Variants in NAALADL2 observed in about 807,000 individuals in gnomAD.
NAALADL2 encodes inactive N-acetylated-alpha-linked acidic dipeptidase-like protein 2.
In NAALADL2, 76 loss-of-function variants were observed where a neutral mutation model predicts 87.2. That is an observed-to-expected ratio of 0.87 (90% confidence interval 0.72 to 1.05). NAALADL2 has a LOEUF of 1.05. NAALADL2 is among the 50% of genes least tolerant of loss of function. NAALADL2 has a pLI of 0.00. For missense variants in NAALADL2, 1,089 were observed against 945.8 expected (o/e 1.15, Z -1.99); for synonymous variants, 354 against 331.0 (o/e 1.07, Z -0.75).
At chr3:175,543,890 G>C (rs1235476266) in intron 9 of NAALADL2, among the ~76,000 whole-genome samples, 1 of 152,176 alleles carries the variant, frequency 6.6e-6, no homozygotes, top group Admixed American at 6.5e-5. Flanking sequence ...GTGGAATTTT[G>C]ATAGAGGTAA....
chr3:175,614,582 T>G (rs1725090822), intron 10 of NAALADL2, among the ~76,000 whole-genome samples: 1 of 152,236 alleles, frequency 6.6e-6, no homozygotes, highest in South Asian at 2.1e-4. Flanking sequence ...CTTGACATTT[T>G]GCTGTGTAGC....
intron 9 of NAALADL2, among the ~76,000 whole-genome samples, chr3:175,495,097 T>A (rs1235889922): frequency 1.4e-5 from 2 of 140,950 alleles, no homozygotes; most frequent in Non-Finnish European, 3.1e-5. Context: ...TATATATTTT[T>A]TTTTAATTTT....
chr3:175,627,304 TCTCCGAGGCC>T lies in NAALADL2; in HGVS notation c.1816_1825del (p.Ser606ValfsTer29). ...GATTTGCCGCAGGGTCCAAGTTTTC[TCTCCGAGGCC>T]CGTTTTTCTACACGAGCAACAAAAA... On this transcript the variant is annotated frameshift_variant, in exon 11 of 14. Coordinates refer to ENST00000454872, the MANE Select transcript of NAALADL2 (RefSeq NM_207015.3). LOFTEE classifies it high-confidence loss of function. 6.4e-7 allele frequency: 1 copy of T among 1,565,440 alleles called. No individual in the cohort carries two copies. Among genetic ancestry groups the T allele is most frequent in the East Asian group, 2.3e-5 (1 of 43,164 alleles).
chr3:175,685,024 A>G (rs1478749116), intron 11 of NAALADL2, among the ~76,000 whole-genome samples: 2 of 152,196 alleles, frequency 1.3e-5, no homozygotes, highest in African/African-American at 2.4e-5. Context: ...AGAGGTTTGC[A>G]TAATTTTAAA....
In NAALADL2 at chr3:174,910,634, G is replaced by A. The variant is rs141408239; in HGVS notation, c.43+51184G>A. Among the ~76,000 whole-genome samples, 1,473 of 152,116 alleles carry A rather than the reference G, an allele frequency of 9.7e-3. 19 individuals carry two copies. Among genetic ancestry groups the A allele is most frequent in the Non-Finnish European group, 0.017 (1,124 of 68,004 alleles). ...AGTCCTGCAGTCCAGGCAGGATGAC[G>A]CTCTGTGGAATAGTGGGACGAGCAG... On this transcript the variant is annotated intron_variant, in intron 1 of 13. Coordinates refer to ENST00000454872, the MANE Select transcript of NAALADL2 (RefSeq NM_207015.3).
intron 4 of NAALADL2, among the ~76,000 whole-genome samples, chr3:175,323,397 G>A (rs1481786985): frequency 6.7e-6 from 1 of 149,718 alleles, no homozygotes; most frequent in South Asian, 2.1e-4. Context: ...TAGATGACGA[G>A]TTAGTGGGTG....
intron 2 of NAALADL2, among the ~76,000 whole-genome samples, chr3:174,668,509 G>A (rs1170663578): frequency 6.6e-6 from 1 of 152,074 alleles, no homozygotes; most frequent in Non-Finnish European, 1.5e-5. Context: ...CCATGTTGGT[G>A]TGCTGCACCC....
chr3:175,384,926 A>T lies in NAALADL2; in HGVS notation c.1090+60601A>T, dbSNP rs575058284. 9.2e-5 allele frequency among the ~76,000 whole-genome samples: 14 copies of T among 152,190 alleles called. 1 individual carries two copies. In the South Asian group the frequency reaches 2.7e-3, roughly 29 times the overall value. On this transcript the variant is annotated intron_variant, in intron 5 of 13. Transcript: ENST00000454872. ...GTGTTTTTTTCACCATGCAGAAAAA[A>T]GTAAAATAATGAGCTGCTACTCTTG...
At chr3:175,095,847 T>A (rs1210142020) in intron 1 of NAALADL2, among the ~76,000 whole-genome samples, 1 of 152,112 alleles carries the variant, frequency 6.6e-6, no homozygotes, top group East Asian at 1.9e-4. Flanking sequence ...AAAATTTAAG[T>A]ATAAATACTC....
At chr3:175,311,830 T>G (rs1237404859) in intron 4 of NAALADL2, among the ~76,000 whole-genome samples, 1 of 152,142 alleles carries the variant, frequency 6.6e-6, no homozygotes, top group Non-Finnish European at 1.5e-5. Flanking sequence ...TTCAAGTATT[T>G]TTTTCCTTTA....
At chr3:175,166,975 T>G (rs568676332) in intron 2 of NAALADL2, among the ~76,000 whole-genome samples, 1 of 152,210 alleles carries the variant, frequency 6.6e-6, no homozygotes, top group South Asian at 2.1e-4. Flanking sequence ...CTCCTAAATG[T>G]GGCCTGAATA....
At chr3:175,209,561 T>C (rs1741453271) in intron 2 of NAALADL2, among the ~76,000 whole-genome samples, 1 of 152,062 alleles carries the variant, frequency 6.6e-6, no homozygotes, top group Non-Finnish European at 1.5e-5. Context: ...AGAATGTTAA[T>C]CATAGGAAAA....
At chr3:175,670,452 G>A (rs1420772205) in intron 11 of NAALADL2, among the ~76,000 whole-genome samples, 1 of 147,386 alleles carries the variant, frequency 6.8e-6, no homozygotes, top group African/African-American at 2.5e-5. Context: ...TATATTAAAT[G>A]TAAATTTAAT....
chr3:174,703,553 C>T (rs773341168), intron 2 of NAALADL2, among the ~76,000 whole-genome samples: 2 of 152,078 alleles, frequency 1.3e-5, no homozygotes, highest in African/African-American at 2.4e-5. Flanking sequence ...TATTTCAGAT[C>T]ATAGATGCCT....
At chr3:175,667,032 G>A (rs1390149807) in intron 11 of NAALADL2, among the ~76,000 whole-genome samples, 1 of 150,850 alleles carries the variant, frequency 6.6e-6, no homozygotes, top group East Asian at 1.9e-4. Flanking sequence ...CTAAGTTCCT[G>A]TTTTTCAAAT....
At chr3:175,172,977 C>T (rs369575389) in intron 2 of NAALADL2, among the ~76,000 whole-genome samples, 2 of 151,902 alleles carry the variant, frequency 1.3e-5, no homozygotes, top group African/African-American at 2.4e-5. Context: ...TATAGATATT[C>T]GATGCTGGTG....
chr3:175,437,065 A>G (rs1186749469), intron 5 of NAALADL2, among the ~76,000 whole-genome samples: 1 of 143,240 alleles, frequency 7.0e-6, no homozygotes, highest in Non-Finnish European at 1.5e-5. Flanking sequence ...AGCTTCCTAC[A>G]TATGGCTAGC....
At chr3:175,062,836 T>C (rs1713792520) in intron 1 of NAALADL2, among the ~76,000 whole-genome samples, 1 of 152,156 alleles carries the variant, frequency 6.6e-6, no homozygotes. Context: ...AGACTCTCTT[T>C]TCAAGAGAAA....
chr3:175,213,191 A>G (rs1742021421), intron 2 of NAALADL2, among the ~76,000 whole-genome samples: 1 of 152,132 alleles, frequency 6.6e-6, no homozygotes, highest in African/African-American at 2.4e-5. Context: ...GCATTTAGTT[A>G]GTGGAAGAAT....
Sources: allele counts gnomAD v4.1 joint callset (sites outside exome capture counted in the v4.1 genomes callset), GRCh38; gene constraint gnomAD v4.1.1; transcripts MANE v1.5; gene names NCBI Gene and HGNC (gene_info 2026-07-23, HGNC 2026-07-21).